BCL7B: variants seen among roughly 807,000 people sequenced by gnomAD.
BCL7B encodes BAF chromatin remodeling complex subunit BCL7B.
Under a neutral mutation model 26.5 loss-of-function variants are expected in BCL7B, and 11 were observed. That is an observed-to-expected ratio of 0.42 (90% confidence interval 0.26 to 0.69). The LOEUF (loss-of-function observed/expected upper bound fraction) is 0.69. Among genes scored for constraint, BCL7B ranks in the 30% least tolerant of loss-of-function variants. BCL7B has a pLI of 0.28. For missense variants in BCL7B, 215 were observed against 264.4 expected, an observed-to-expected ratio of 0.81 and a Z score of 1.30; for synonymous variants, 111 against 107.9, an observed-to-expected ratio of 1.03 and a Z score of -0.18.
intron 3 of BCL7B, among the ~76,000 whole-genome samples, chr7:73,541,140 C>T (rs1389721064): frequency 1.3e-5 from 2 of 151,990 alleles, no homozygotes; most frequent in South Asian, 4.1e-4. Context: ...TGGCGAGACT[C>T]CGTCTCAAAA....
chr7:73,537,338 A>G lies in BCL7B; in HGVS notation c.569T>C (p.Val190Ala), dbSNP rs201805044. The change falls in exon 6 of 6, where the codon GTG becomes GCG. Residue 190 changes from valine (V) to alanine (A), a missense_variant. Val to Ala is a moderately conservative substitution (Grantham distance 64). Coordinates refer to ENST00000223368, the MANE Select transcript of BCL7B (RefSeq NM_001707.4). ...CGTCTGCGGCACTGTGGGTTGGTCC[A>G]CACAGAAGCGCTTCAGGGGCGGGGC... ...SGAPPLKRFC[V>A]DQPTVPQTAS... 8 of 1,614,158 alleles carry G rather than the reference A, an allele frequency of 5.0e-6. No homozygotes were observed. The highest frequency in any genetic ancestry group is 6.8e-6 in the Non-Finnish European group (8 of 1,180,018).
intron 2 of BCL7B, among the ~76,000 whole-genome samples, chr7:73,551,042 C>T (rs1792145879): frequency 6.6e-6 from 1 of 152,162 alleles, no homozygotes; most frequent in African/African-American, 2.4e-5. Flanking sequence ...TATCCAAATA[C>T]ATCCAACAAA....
intron 1 of BCL7B, chr7:73,557,256 G>T (rs1326872878): frequency 6.3e-6 from 7 of 1,114,672 alleles, no homozygotes; most frequent in South Asian, 4.5e-5. Context: ...GGCGGCGCGC[G>T]GCAGCAGCCG....
chr7:73,539,902 A>C lies in BCL7B; in HGVS notation c.416T>G (p.Leu139Arg). Residue 139 changes from leucine to arginine, a missense_variant, in exon 4 of 6, where the codon CTG becomes CGG. Physicochemically the swap from Leu to Arg is moderately radical, Grantham distance 102 (BLOSUM62 -2). Transcript: ENST00000223368. ...CTCACCCTCCAGGATCTCCTGGCCC[A>C]GCGTTGGGGGCTGGGAGTCATCCGT... ...FRTDDSQPPT[L>R]GQEILEEPSL... 6.2e-7 allele frequency: 1 copy of C among 1,613,706 alleles called. No homozygotes were observed. The highest frequency in any genetic ancestry group is 8.5e-7 in the Non-Finnish European group (1 of 1,179,954).
Position 73,540,194 on chromosome 7 carries a change from C to T in BCL7B, c.266-142G>A, listed in dbSNP as rs527550611. On this transcript the variant is annotated intron_variant, in intron 3 of 5. Transcript: ENST00000223368. ...TAATAATCATTGTGCCCGGCCTACACGACATAGATTCTAAGCACCAGAGGC... is the reference window on the plus strand; with the variant it reads ...TAATAATCATTGTGCCCGGCCTACATGACATAGATTCTAAGCACCAGAGGC... The T allele has an allele frequency of 1.9e-5, 16 of 862,960 alleles. No individual in the cohort carries two copies. In the East Asian group the frequency reaches 2.2e-4, roughly 12 times the overall value. The allele number at this position is 862,960 out of a possible 1,614,324, so 53.5% of individuals were successfully genotyped here. A position where few individuals can be genotyped will look rare whatever the true frequency, so the allele number is the denominator to read the frequency against.
intron 1 of BCL7B, chr7:73,557,229 G>A (rs2115844844): frequency 9.3e-7 from 1 of 1,075,724 alleles, no homozygotes; most frequent in Non-Finnish European, 1.1e-6. Flanking sequence ...CGGGCCGGAA[G>A]CCGGAATCCC....
At chr7:73,557,276 G>A (rs1453457489) in intron 1 of BCL7B, 1 of 1,135,914 alleles carries the variant, frequency 8.8e-7, no homozygotes, top group Non-Finnish European at 1.1e-6. Flanking sequence ...GCAGCAGGTG[G>A]GCGGGCCCGC....
At chr7:73,546,021 A>G (rs1370465628) in intron 2 of BCL7B, among the ~76,000 whole-genome samples, 1 of 151,664 alleles carries the variant, frequency 6.6e-6, no homozygotes, top group Non-Finnish European at 1.5e-5. Flanking sequence ...AGTCCCAGCT[A>G]CTTGGGAGGC....
intron 2 of BCL7B, among the ~76,000 whole-genome samples, chr7:73,544,282 G>T (rs1401434849): frequency 6.6e-6 from 1 of 152,122 alleles, no homozygotes. Context: ...TCAGCCGAGT[G>T]TGGTGGCATG....
Position 73,557,599 on chromosome 7 carries a change from G to C in BCL7B, c.-21C>G. ...GACATGGCGGCGGCGGGAGCGGCGG[G>C]GGCCGGGGCACTGCTCCCAAGACAC... On this transcript the variant is annotated 5_prime_UTR_variant, in exon 1 of 6. Coordinates refer to ENST00000223368, the MANE Select transcript of BCL7B (RefSeq NM_001707.4). 7.9e-7 allele frequency: 1 copy of C among 1,267,380 alleles called. No homozygotes were observed. Among genetic ancestry groups the C allele is most frequent in the East Asian group, 3.4e-5 (1 of 29,108 alleles). 78.5% of individuals were successfully genotyped at this position (1,267,380 alleles called of 1,614,324 possible).
intron 2 of BCL7B, among the ~76,000 whole-genome samples, chr7:73,546,537 A>G (rs113662315): frequency 6.6e-6 from 1 of 151,680 alleles, no homozygotes; most frequent in Non-Finnish European, 1.5e-5. Flanking sequence ...GCATGGTGGC[A>G]CATGCCTGTA....
chr7:73,542,216 T>C (rs575879099), intron 3 of BCL7B, among the ~76,000 whole-genome samples: 1 of 152,326 alleles, frequency 6.6e-6, no homozygotes, highest in African/African-American at 2.4e-5. Context: ...ATTAAGTGTT[T>C]ACTAAATGAA....
At chr7:73,538,343 T>A (rs1188795856) in intron 4 of BCL7B, 2 of 227,904 alleles carry the variant, frequency 8.8e-6, no homozygotes, top group Non-Finnish European at 1.7e-5. Context: ...CGAGATGAAG[T>A]AATAAAACAC....
At chr7:73,543,751 A>G in intron 2 of BCL7B, 107 bp from the exon 3 acceptor site, 2 of 795,202 alleles carry the variant, frequency 2.5e-6, no homozygotes, top group African/African-American at 1.8e-5. Context: ...AGGACTGAAC[A>G]GGAAAAACGA....
intron 4 of BCL7B, 171 bp downstream of exon 4, chr7:73,539,711 C>T: frequency 1.3e-6 from 1 of 755,204 alleles, no homozygotes; most frequent in Non-Finnish European, 2.0e-6. Flanking sequence ...TGTTTTCTCC[C>T]TTCCCTCTGT....
intron 5 of BCL7B, among the ~76,000 whole-genome samples, 168 bp from the exon 6 acceptor site, chr7:73,537,558 C>T (rs1554582293): frequency 1.3e-5 from 2 of 152,174 alleles, no homozygotes; most frequent in African/African-American, 4.8e-5. Context: ...GATCCAACCC[C>T]ACATCCACAG....
intron 1 of BCL7B, chr7:73,557,109 T>C (rs1792389048): frequency 1.0e-6 from 1 of 993,990 alleles, no homozygotes; most frequent in African/African-American, 1.7e-5. Flanking sequence ...GGCTACTCGC[T>C]ATTATCAAGA....
chr7:73,556,952 G>C, intron 1 of BCL7B: 7 of 989,880 alleles, frequency 7.1e-6, no homozygotes, highest in Non-Finnish European at 8.4e-6. Flanking sequence ...TCGCGGCGCA[G>C]GGGCCGGTTA....
chr7:73,540,091 G>C, intron 3 of BCL7B, 39 bp from the exon 4 acceptor site: 3 of 1,592,950 alleles, frequency 1.9e-6, no homozygotes, highest in Non-Finnish European at 2.6e-6. Flanking sequence ...GCTGAGCGTG[G>C]TCATTTTCCT....
Sources: gnomAD v4.1 joint callset for allele counts (sites outside exome capture counted in the v4.1 genomes callset) on GRCh38, gnomAD v4.1.1 for gene constraint, MANE v1.5 for transcripts, NCBI Gene and HGNC (gene_info 2026-07-23, HGNC 2026-07-21) for gene names.